SLC35D4: variants seen among roughly 807,000 people sequenced by gnomAD.
SLC35D4 encodes UDP-N-acetylglucosamine transporter SLC35D4.
chr18:23,363,202 C>A, the SLC35D4 span, among the ~76,000 whole-genome samples: 1 of 148,376 alleles, frequency 6.7e-6, no homozygotes, highest in Non-Finnish European at 1.5e-5. Context: ...CCGAGATACA[C>A]CACTGCACTC....
At chr18:23,283,755 G>C in the SLC35D4 span, among the ~76,000 whole-genome samples, 1 of 150,620 alleles carries the variant, frequency 6.6e-6, no homozygotes, top group African/African-American at 2.4e-5. Flanking sequence ...GTTGCATTGA[G>C]TCAAGATTGT....
the SLC35D4 span, among the ~76,000 whole-genome samples, chr18:23,278,764 G>C: frequency 6.6e-6 from 1 of 152,060 alleles, no homozygotes; most frequent in Non-Finnish European, 1.5e-5. Context: ...CCAGCACTTT[G>C]GGAGGCCGAG....
chr18:23,248,878 T>C, the SLC35D4 span, among the ~76,000 whole-genome samples: 3 of 152,212 alleles, frequency 2.0e-5, no homozygotes, highest in Non-Finnish European at 2.9e-5. Context: ...ACTAGAATCA[T>C]TGAGGAGGCT....
the SLC35D4 span, among the ~76,000 whole-genome samples, chr18:23,303,885 G>C: frequency 1.4e-5 from 2 of 148,134 alleles, no homozygotes; most frequent in South Asian, 4.3e-4. Flanking sequence ...CTGGGCGACA[G>C]AGCAAAACTC....
chr18:23,320,803 G>A, the SLC35D4 span, among the ~76,000 whole-genome samples: 2 of 152,210 alleles, frequency 1.3e-5, no homozygotes, highest in East Asian at 3.8e-4. Flanking sequence ...CTGCCTTTCA[G>A]AGGTTTTGAC....
chr18:23,401,991 C>T, the SLC35D4 span, among the ~76,000 whole-genome samples: 2 of 152,220 alleles, frequency 1.3e-5, no homozygotes, highest in East Asian at 1.9e-4. Flanking sequence ...TGGCTCCAGA[C>T]GTGGGACCAC....
chr18:23,319,323 T>A, the SLC35D4 span, among the ~76,000 whole-genome samples: 1,096 of 151,672 alleles, frequency 7.2e-3, 3 homozygotes, highest in Non-Finnish European at 0.012. Flanking sequence ...CAGGCTGGAG[T>A]GCAATAGCAC....
chr18:23,243,468 G>GTT, the SLC35D4 span, among the ~76,000 whole-genome samples: 770 of 101,792 alleles, frequency 7.6e-3, 7 homozygotes, highest in African/African-American at 0.021. Flanking sequence ...TGGGTTTGGT[G>GTT]TTTTTTTTTT....
At chr18:23,306,293 ATACT>A in the SLC35D4 span, among the ~76,000 whole-genome samples, 2 of 151,614 alleles carry the variant, frequency 1.3e-5, no homozygotes, top group Non-Finnish European at 2.9e-5. Context: ...ATGGAAAAAA[ATACT>A]TACTTTCTTC....
At chr18:23,437,422 G>C in the SLC35D4 span, among the ~76,000 whole-genome samples, 3 of 152,014 alleles carry the variant, frequency 2.0e-5, no homozygotes, top group Admixed American at 1.3e-4. Context: ...TAGAAAAAAG[G>C]CAGGATGTGT....
At chr18:23,385,780 G>T in the SLC35D4 span, among the ~76,000 whole-genome samples, 4 of 152,092 alleles carry the variant, frequency 2.6e-5, no homozygotes, top group African/African-American at 9.7e-5. Flanking sequence ...TGGGCTGCAG[G>T]GTGGAAGACA....
chr18:23,269,902 A>G, the SLC35D4 span, among the ~76,000 whole-genome samples: 1 of 152,258 alleles, frequency 6.6e-6, no homozygotes, highest in Non-Finnish European at 1.5e-5. Context: ...GAGGAAGCAG[A>G]GCAAAAAGTT....
chr18:23,287,084 TA>T, the SLC35D4 span, among the ~76,000 whole-genome samples: 1 of 151,826 alleles, frequency 6.6e-6, no homozygotes, highest in African/African-American at 2.4e-5. Flanking sequence ...TAAAGCCTGT[TA>T]TCACTCGCCT....
chr18:23,273,271 T>G, the SLC35D4 span, among the ~76,000 whole-genome samples: 14 of 152,138 alleles, frequency 9.2e-5, no homozygotes, highest in African/African-American at 2.9e-4. Context: ...ATCAGAGGGA[T>G]AAATGTTAAG....
the SLC35D4 span, among the ~76,000 whole-genome samples, chr18:23,326,117 T>C: frequency 6.6e-6 from 1 of 152,374 alleles, no homozygotes. Context: ...GCCATGTTTC[T>C]GGTGGTCACT....
chr18:23,357,699 T>C, the SLC35D4 span, among the ~76,000 whole-genome samples: 2 of 152,218 alleles, frequency 1.3e-5, no homozygotes, highest in Admixed American at 1.3e-4. Context: ...CATGATGGGC[T>C]CCTATGCTTT....
the SLC35D4 span, among the ~76,000 whole-genome samples, chr18:23,371,935 G>GTTTTTTTTTT: frequency 0.094 from 3,259 of 34,812 alleles, 740 homozygotes; most frequent in African/African-American, 0.11. Context: ...TGTTTTTTTT[G>GTTTTTTTTTT]TTTTTTTTTT....
the SLC35D4 span, chr18:23,297,772 C>A: frequency 2.0e-6 from 1 of 496,012 alleles, no homozygotes; most frequent in East Asian, 3.7e-5. Flanking sequence ...CGCTCCTCTG[C>A]AGTGACCTGC....
the SLC35D4 span, among the ~76,000 whole-genome samples, chr18:23,263,024 G>A: frequency 2.2e-4 from 33 of 152,316 alleles, no homozygotes; most frequent in African/African-American, 7.7e-4. Flanking sequence ...GATATCATGC[G>A]CCAGCCCTGT....
Sources: gnomAD v4.1 joint callset for allele counts (sites outside exome capture counted in the v4.1 genomes callset) on GRCh38, gnomAD v4.1.1 for gene constraint, MANE v1.5 for transcripts, NCBI Gene and HGNC (gene_info 2026-07-23, HGNC 2026-07-21) for gene names.